PGM3: variants seen among roughly 807,000 people sequenced by gnomAD.
PGM3 encodes the protein phosphoglucomutase 3, also known as phosphoacetylglucosamine mutase.
In PGM3, 40 loss-of-function variants were observed where a neutral mutation model predicts 66.2. The ratio of observed to expected loss-of-function variants is 0.60; its 90% CI spans 0.47 to 0.79. PGM3 has a LOEUF of 0.79. PGM3 is among the 30% of genes least tolerant of loss of function. The probability of loss-of-function intolerance (pLI) is 0.00; values close to 1 mark genes in which losing one functional copy is unlikely to be tolerated. For synonymous variants in PGM3, 191 were observed against 224.2 expected, an observed-to-expected ratio of 0.85 and a Z score of 1.32; for missense variants, 537 against 643.4, an observed-to-expected ratio of 0.83 and a Z score of 1.79.
At chr6:83,176,234 A>T (rs1470232990) in intron 8 of PGM3, 174 bp from the exon 9 acceptor site, 8 of 509,398 alleles carry the variant, frequency 1.6e-5, no homozygotes, top group Non-Finnish European at 2.5e-5. Context: ...GCATGAACAC[A>T]CTCTGGAAGC....
chr6:83,159,443 T>G (rs1583179329), downstream of PGM3, among the ~76,000 whole-genome samples: 3 of 140,624 alleles, frequency 2.1e-5, no homozygotes, highest in African/African-American at 5.3e-5. Context: ...CTGGCTAGTG[T>G]TTTTTTTTTT....
downstream of PGM3, among the ~76,000 whole-genome samples, chr6:83,159,317 A>T (rs1289426999): frequency 1.3e-5 from 2 of 152,146 alleles, no homozygotes; most frequent in East Asian, 3.9e-4. Flanking sequence ...CTTTTCACCC[A>T]GGCTGGAATG....
chr6:83,183,329 G>C (rs918228897), intron 4 of PGM3, among the ~76,000 whole-genome samples: 1 of 152,168 alleles, frequency 6.6e-6, no homozygotes, highest in Non-Finnish European at 1.5e-5. Flanking sequence ...AAGAACTACA[G>C]TGCTGAAAAG....
At chr6:83,173,865 T>G (rs1177761743) in intron 10 of PGM3, among the ~76,000 whole-genome samples, 1 of 152,050 alleles carries the variant, frequency 6.6e-6, no homozygotes, top group Non-Finnish European at 1.5e-5. Flanking sequence ...GCCTCCCGAG[T>G]AGCTGGGACT....
the PGM3 span, among the ~76,000 whole-genome samples, chr6:83,149,019 G>GA: frequency 6.0e-3 from 886 of 147,662 alleles, no homozygotes; most frequent in African/African-American, 9.1e-3. Flanking sequence ...GCCTGTTTAA[G>GA]AAAAAAAAAA....
intron 11 of PGM3, 162 bp from the exon 12 acceptor site, chr6:83,170,640 TTC>T (rs1384279293): frequency 1.3e-5 from 8 of 610,134 alleles, no homozygotes; most frequent in Middle Eastern, 8.6e-4. Flanking sequence ...TGTGCAACTT[TTC>T]TCTTTTTCTT....
the PGM3 span, chr6:83,153,673 C>G: frequency 3.6e-6 from 5 of 1,407,444 alleles, no homozygotes; most frequent in Non-Finnish European, 4.8e-6. Flanking sequence ...CTGTTAGAAA[C>G]AAGTTCTGTT....
downstream of PGM3, among the ~76,000 whole-genome samples, chr6:83,163,660 AAC>A (rs1784760098): frequency 6.6e-6 from 1 of 152,158 alleles, no homozygotes; most frequent in African/African-American, 2.4e-5. Flanking sequence ...AGTTTCACAA[AAC>A]AGTTCTTGCC....
chr6:83,160,090 C>A (rs980402866), downstream of PGM3: 2 of 878,538 alleles, frequency 2.3e-6, no homozygotes, highest in Non-Finnish European at 3.4e-6. Flanking sequence ...AAATGTAATT[C>A]TTTTGGCACA....
At chr6:83,155,804 C>A in the PGM3 span, 1 of 871,426 alleles carries the variant, frequency 1.1e-6, no homozygotes, top group Non-Finnish European at 1.7e-6. Context: ...GTTTGCCAGC[C>A]TGTCTGCCCC....
At chr6:83,182,078 T>G in intron 5 of PGM3, 147 bp from the exon 6 acceptor site, 1 of 497,030 alleles carries the variant, frequency 2.0e-6, no homozygotes, top group Non-Finnish European at 3.4e-6. Context: ...TGTGTTCATT[T>G]TTCAATTTTT....
At chr6:83,181,023 CACAG>C (rs1430537799) in intron 6 of PGM3, among the ~76,000 whole-genome samples, 1 of 152,290 alleles carries the variant, frequency 6.6e-6, no homozygotes, top group African/African-American at 2.4e-5. Context: ...AACAGTGGCA[CACAG>C]ACAAACACAC....
In PGM3 at chr6:83,167,114, T is replaced by A; in HGVS notation, c.*2120A>T. 1.0e-6 allele frequency: 1 copy of A among 967,892 alleles called. No individual in the cohort carries two copies. Among genetic ancestry groups the A allele is most frequent in the South Asian group, 4.8e-5 (1 of 20,966 alleles). The allele number at this position is 967,892 out of a possible 1,614,324, so 60.0% of individuals were successfully genotyped here. On this transcript the variant is annotated 3_prime_UTR_variant, in exon 13 of 13. Coordinates refer to ENST00000513973, the MANE Select transcript of PGM3 (RefSeq NM_015599.3). The stretch of plus-strand genomic sequence containing the variant: ...TCTTTATATTTAGTTGACAGAGTTT[T>A]CACATACCTTCTCATTTGACTTCTC...
chr6:83,192,832 TAA>T (rs1225722960), intron 1 of PGM3, among the ~76,000 whole-genome samples: 3 of 152,130 alleles, frequency 2.0e-5, no homozygotes, highest in African/African-American at 7.2e-5. Context: ...CGCAAAAAGT[TAA>T]GAGTATCCCC....
chr6:83,191,120 C>G lies in PGM3; in HGVS notation c.-2-106G>C, dbSNP rs549796907. 4.1e-6 allele frequency: 6 copies of G among 1,458,320 alleles called. No individual in the cohort carries two copies. In the East Asian group the frequency reaches 1.2e-4, roughly 30 times the overall value. The allele number at this position is 1,458,320 out of a possible 1,614,324, so 90.3% of individuals were successfully genotyped here. On this transcript the variant is annotated intron_variant, in intron 1 of 12. Transcript: ENST00000513973. ...CGAATAGGTCTGTCTCATCCTGAAC[C>G]TCCTCAAAGAACCCTATGTTTGACA...
downstream of PGM3, among the ~76,000 whole-genome samples, chr6:83,164,308 T>G (rs1784915932): frequency 6.6e-6 from 1 of 151,640 alleles, no homozygotes; most frequent in Admixed American, 6.6e-5. Context: ...AGGACAGAGA[T>G]GAGGATGTAT....
intron 12 of PGM3, chr6:83,169,671 G>C (rs1169832033): frequency 4.3e-6 from 2 of 465,172 alleles, no homozygotes; most frequent in African/African-American, 2.0e-5. Flanking sequence ...CATCCATCAT[G>C]GATATTCATT....
chr6:83,169,257 C>G lies in PGM3; in HGVS notation c.1606G>C (p.Glu536Gln), dbSNP rs779517155. Reference protein sequence around the residue: ...AVFQLAGGIGERPQPGF With the variant: ...AVFQLAGGIGQRPQPGF ...CTTCAGAAACCTGGTTGGGGCCTTTCTCCAATTCCTCCAGCCAGCTGAAAT... is the reference window on the plus strand; with the variant it reads ...CTTCAGAAACCTGGTTGGGGCCTTTGTCCAATTCCTCCAGCCAGCTGAAAT... The change falls in exon 13 of 13, where the codon GAA becomes CAA. Residue 536 changes from glutamate (E) to glutamine (Q), a missense_variant. Coordinates refer to ENST00000513973, the MANE Select transcript of PGM3 (RefSeq NM_015599.3). 6.2e-7 allele frequency: 1 copy of G among 1,614,060 alleles called. No homozygotes were observed. The highest frequency in any genetic ancestry group is 1.6e-4 in the Middle Eastern group (1 of 6,062).
chr6:83,177,665 G>C (rs746387671), intron 8 of PGM3, among the ~76,000 whole-genome samples: 19 of 152,160 alleles, frequency 1.2e-4, no homozygotes, highest in Non-Finnish European at 2.6e-4. Flanking sequence ...AGGTGGGCCT[G>C]ACTAGGCCTT....
Sources: gnomAD v4.1 joint callset for allele counts (sites outside exome capture counted in the v4.1 genomes callset) on GRCh38, gnomAD v4.1.1 for gene constraint, MANE v1.5 for transcripts, NCBI Gene and HGNC (gene_info 2026-07-23, HGNC 2026-07-21) for gene names.